The following RAB7A variants were observed in gnomAD, a reference collection of about 807,000 sequenced individuals.
The protein encoded by RAB7A is RAB7A, member RAS oncogene family.
RAB7A carries 2 observed loss-of-function variants against 24.5 expected under a neutral mutation model. The observed-to-expected ratio is 0.08, with a 90% CI of 0.03 to 0.26. The LOEUF (loss-of-function observed/expected upper bound fraction) is 0.26, where lower values mean the gene tolerates loss of function less well. Ranked by LOEUF, RAB7A falls within the 10% of genes least tolerant of loss-of-function variation. The pLI, the probability that RAB7A is intolerant of heterozygous loss-of-function variation, is 1.00. For synonymous variants in RAB7A, 100 were observed against 95.9 expected (o/e 1.04, Z -0.25); for missense variants, 118 against 255.7 (o/e 0.46, Z 3.67).
chr3:128,766,702 G>A (rs547766594), intron 1 of RAB7A, among the ~76,000 whole-genome samples: 10 of 151,884 alleles, frequency 6.6e-5, no homozygotes, highest in Non-Finnish European at 2.9e-5. Flanking sequence ...TGTGTGTTTG[G>A]TTTTTTTCTT....
At chr3:128,784,670 C>T (rs1009826589) in intron 1 of RAB7A, among the ~76,000 whole-genome samples, 1 of 152,192 alleles carries the variant, frequency 6.6e-6, no homozygotes, top group Non-Finnish European at 1.5e-5. Context: ...CATGTGCGTT[C>T]TTTAAGGAAA....
chr3:128,750,702 T>C (rs1307651039), intron 1 of RAB7A, among the ~76,000 whole-genome samples: 1 of 152,228 alleles, frequency 6.6e-6, no homozygotes, highest in Non-Finnish European at 1.5e-5. Context: ...AAAAACTTAT[T>C]TTCTGAGGAG....
intron 3 of RAB7A, chr3:128,798,525 A>G (rs1003225020): frequency 5.7e-6 from 1 of 175,016 alleles, no homozygotes; most frequent in Non-Finnish European, 1.2e-5. Context: ...TATTGAGCCA[A>G]TCTTTTTTTT....
At chr3:128,764,584 G>T in intron 1 of RAB7A, 1 of 1,402,672 alleles carries the variant, frequency 7.1e-7, no homozygotes, top group Non-Finnish European at 1.0e-6. Context: ...TTCTTTGATG[G>T]CTTTCACCTG....
chr3:128,781,148 T>A (rs1187753871), intron 1 of RAB7A, among the ~76,000 whole-genome samples: 1 of 152,220 alleles, frequency 6.6e-6, no homozygotes, highest in African/African-American at 2.4e-5. Flanking sequence ...TGCATTGACA[T>A]GGATACAGCA....
intron 5 of RAB7A, among the ~76,000 whole-genome samples, chr3:128,812,171 A>G (rs967301833): frequency 7.9e-5 from 12 of 152,220 alleles, no homozygotes; most frequent in South Asian, 4.1e-4. Flanking sequence ...TAGGAGTGCA[A>G]TGGCACCATC....
At chr3:128,755,095 A>G (rs1247021846) in intron 1 of RAB7A, among the ~76,000 whole-genome samples, 1 of 152,218 alleles carries the variant, frequency 6.6e-6, no homozygotes, top group Non-Finnish European at 1.5e-5. Flanking sequence ...CTTCTTTAGG[A>G]TAGACCATAC....
intron 2 of RAB7A, among the ~76,000 whole-genome samples, chr3:128,797,385 A>T (rs7642203): frequency 2.6e-3 from 392 of 152,340 alleles, no homozygotes; most frequent in African/African-American, 9.0e-3. Flanking sequence ...ACTAGAAAAC[A>T]TATTTGGAGG....
chr3:128,802,173 T>C (rs1256964009), intron 3 of RAB7A, among the ~76,000 whole-genome samples: 2 of 152,210 alleles, frequency 1.3e-5, no homozygotes, highest in East Asian at 1.9e-4. Flanking sequence ...ATCGTGAGTA[T>C]GTAACTTCCA....
Position 128,762,992 on chromosome 3 carries a change from TTAATC to T in RAB7A, c.-8-32365_-8-32361del, listed in dbSNP as rs545959517. On this transcript the variant is annotated intron_variant, in intron 1 of 5. Coordinates refer to ENST00000265062, the MANE Select transcript of RAB7A (RefSeq NM_004637.6). Reference sequence around the variant, plus strand: ...TCACCTGTAAATGCTCTCAAGTCCTTTAATCTAGAATGTGGTCCCTCCTTCCCTTT... The same window carrying T: ...TCACCTGTAAATGCTCTCAAGTCCTTTAGAATGTGGTCCCTCCTTCCCTTT... 3.5e-3 allele frequency among the ~76,000 whole-genome samples: 539 copies of T among 152,166 alleles called. 3 individuals are homozygous for T. Among genetic ancestry groups the T allele is most frequent in the African/African-American group, 0.012 (493 of 41,504 alleles).
At chr3:128,796,937 T>G (rs1165734837) in intron 2 of RAB7A, among the ~76,000 whole-genome samples, 2 of 152,336 alleles carry the variant, frequency 1.3e-5, no homozygotes, top group Non-Finnish European at 2.9e-5. Context: ...GTGCTGAGAT[T>G]ACAGGCTTGA....
intron 1 of RAB7A, among the ~76,000 whole-genome samples, chr3:128,791,580 A>T (rs1275259751): frequency 6.6e-6 from 1 of 152,210 alleles, no homozygotes. Flanking sequence ...ATAAGGCAGA[A>T]CATAACATTT....
rs776165312 is a variant in RAB7A at position 128,807,637 on chromosome 3, C to T, written c.494C>T (p.Ala165Val). Residue 165 changes from alanine (A) to valine (V), a missense_variant, in exon 5 of 6, where the codon GCG becomes GTG. Coordinates refer to ENST00000265062, the MANE Select transcript of RAB7A (RefSeq NM_004637.6). The part of the protein sequence containing the change: ...SAKEAINVEQ[A>V]FQTIARNALK... ...AAGGAGGCCATCAACGTGGAGCAGG[C>T]GTTCCAGACGATTGCACGGAATGCA... 2 of 1,614,248 alleles carry T rather than the reference C, an allele frequency of 1.2e-6. No individual in the cohort carries two copies. The highest frequency in any genetic ancestry group is 1.1e-5 in the South Asian group (1 of 91,088).
At chr3:128,734,454 CA>C (rs10524458) in intron 1 of RAB7A, among the ~76,000 whole-genome samples, 4,473 of 86,576 alleles carry the variant, frequency 0.052, 40 homozygotes, top group Non-Finnish European at 0.079. Flanking sequence ...GACCCTACCT[CA>C]AAAAAAAAAA....
intron 1 of RAB7A, among the ~76,000 whole-genome samples, chr3:128,734,454 CAAAAAAAAAAAA>C (rs10524458): frequency 1.0e-4 from 9 of 86,886 alleles, no homozygotes; most frequent in African/African-American, 1.9e-4. Flanking sequence ...GACCCTACCT[CAAAAAAAAAAAA>C]AAAAAAAAAA....
intron 5 of RAB7A, 54 bp from the exon 6 acceptor site, chr3:128,813,273 G>T: frequency 6.5e-7 from 1 of 1,526,890 alleles, no homozygotes; most frequent in Non-Finnish European, 9.1e-7. Flanking sequence ...CGCAATGAGG[G>T]CTGAAATGTT....
chr3:128,747,881 C>T (rs959257655), intron 1 of RAB7A, among the ~76,000 whole-genome samples: 1 of 151,478 alleles, frequency 6.6e-6, no homozygotes, highest in Admixed American at 6.6e-5. Flanking sequence ...AATTCTCCTG[C>T]CTCAGCCTCC....
chr3:128,758,374 G>A (rs975173287), intron 1 of RAB7A, among the ~76,000 whole-genome samples: 2 of 150,116 alleles, frequency 1.3e-5, no homozygotes, highest in East Asian at 2.0e-4. Context: ...CCAGGTTCAC[G>A]CCATTCTCCA....
chr3:128,795,028 A>G (rs1176133354), intron 1 of RAB7A, among the ~76,000 whole-genome samples: 2 of 152,132 alleles, frequency 1.3e-5, no homozygotes, highest in Non-Finnish European at 2.9e-5. Context: ...AGCGACCTGA[A>G]TGAAGCAAGG....
Sources: allele counts gnomAD v4.1 joint callset (sites outside exome capture counted in the v4.1 genomes callset), GRCh38; gene constraint gnomAD v4.1.1; transcripts MANE v1.5; gene names NCBI Gene and HGNC (gene_info 2026-07-23, HGNC 2026-07-21).